PINLYP: variants seen among roughly 807,000 people sequenced by gnomAD.
The protein encoded by PINLYP is phospholipase A2 inhibitor and LY6/PLAUR domain containing.
PINLYP carries 12 observed loss-of-function variants against 15.8 expected under a neutral mutation model. The observed-to-expected ratio is 0.76, with a 90% CI of 0.49 to 1.23. The LOEUF is 1.23. Among genes scored for constraint, PINLYP ranks in the 50% most tolerant of loss-of-function variants. The pLI, the probability that PINLYP is intolerant of heterozygous loss-of-function variation, is 0.00. For missense variants in PINLYP, 278 were observed against 264.2 expected (o/e 1.05, Z -0.36); for synonymous variants, 93 against 97.7 (o/e 0.95, Z 0.28).
chr19:43,581,620 T>G (rs1483117648), exon 5 of PINLYP: 1 of 1,536,642 alleles, frequency 6.5e-7, no homozygotes, highest in Non-Finnish European at 8.7e-7. Context: ...ACTGCGAGCT[T>G]CAGGGACAAA....
intron 2 of PINLYP, 91 bp from the exon 3 acceptor site, chr19:43,578,499 C>G: frequency 1.1e-6 from 1 of 873,886 alleles, no homozygotes; most frequent in South Asian, 1.6e-5. Context: ...CTGGTCCCTC[C>G]TCTCTCAGGA....
chr19:43,576,993 C>T lies in PINLYP; in HGVS notation c.-78+74C>T, dbSNP rs925851638. On this transcript the variant is annotated intron_variant, in intron 1 of 5. Transcript: ENST00000599207. ...TGGAAGCCCAGACTCCTGGGGTCTCCATGGAGGTGGGGGGCTGGGCACAAG... is the reference window on the plus strand; with the variant it reads ...TGGAAGCCCAGACTCCTGGGGTCTCTATGGAGGTGGGGGGCTGGGCACAAG... 8.3e-6 allele frequency: 8 copies of T among 960,824 alleles called. No homozygotes were observed. In the East Asian group the frequency reaches 1.1e-4, roughly 13 times the overall value. The allele number at this position is 960,824 out of a possible 1,614,324, so 59.5% of individuals were successfully genotyped here. A position where few individuals can be genotyped will look rare whatever the true frequency, so the allele number is the denominator to read the frequency against.
chr19:43,581,305 A>G, exon 4 of PINLYP: 1 of 1,537,086 alleles, frequency 6.5e-7, no homozygotes, highest in Non-Finnish European at 8.7e-7. Flanking sequence ...CCCAAGGACC[A>G]CATGGTAACC....
upstream of PINLYP, chr19:43,575,544 C>A: frequency 6.2e-6 from 9 of 1,444,870 alleles, no homozygotes; most frequent in Non-Finnish European, 7.6e-6. Flanking sequence ...GGGCGGGGTG[C>A]GCCCTGCGCT....
At chr19:43,581,176 C>T in intron 3 of PINLYP, 36 bp from the exon 4 acceptor site, 1 of 1,527,622 alleles carries the variant, frequency 6.5e-7, no homozygotes. Context: ...AGGGAGTGGT[C>T]AGCCAGCACT....
exon 4 of PINLYP, chr19:43,581,349 A>G: frequency 1.3e-6 from 2 of 1,536,720 alleles, no homozygotes; most frequent in Non-Finnish European, 1.7e-6. Context: ...CGGCTGCAAC[A>G]GTGCCTTTTT....
At chr19:43,578,698 C>A in exon 3 of PINLYP, 1 of 1,535,530 alleles carries the variant, frequency 6.5e-7, no homozygotes. Context: ...GTCGGGAAGG[C>A]TACTTCAAGT....
rs1408652434 is a variant in PINLYP, at chr19:43,582,041, C to T, written c.*40C>T. ...AGAGGAAGATAATGTAGTGTGAAGTCCCCATTTGTCCTCAGCCTGTAACTC... is the reference window on the plus strand; with the variant it reads ...AGAGGAAGATAATGTAGTGTGAAGTTCCCATTTGTCCTCAGCCTGTAACTC... On this transcript the variant is annotated 3_prime_UTR_variant, in exon 6 of 6. Coordinates refer to ENST00000599207, the Ensembl canonical transcript of PINLYP. 2.6e-6 allele frequency: 4 copies of T among 1,533,082 alleles called. No homozygotes were observed. The African/African-American group carries it at 4.1e-5, about 16-fold the overall frequency. The allele number at this position is 1,533,082 out of a possible 1,614,324, so 95.0% of individuals were successfully genotyped here.
At chr19:43,581,591 C>T in exon 5 of PINLYP, 1 of 1,536,420 alleles carries the variant, frequency 6.5e-7, no homozygotes, top group East Asian at 2.4e-5. Flanking sequence ...CTGAGAATGG[C>T]CTGATGTGCC....
rs1322362747 is a variant in PINLYP at position 43,581,365 on chromosome 19, G to A, written c.340+1G>A. The A allele has an allele frequency of 6.5e-7, 1 of 1,536,644 alleles. No homozygotes were observed. The highest frequency in any genetic ancestry group is 2.0e-5 in the Admixed American group (1 of 50,996). On this transcript the variant is annotated splice_donor_variant, in intron 4 of 5. Transcript: ENST00000599207. LOFTEE classifies it high-confidence loss of function. ...GGCTGCAACAGTGCCTTTTTGTCTG[G>A]TAAGAAGCCCGTGGTGTGTGGTGTG...
intron 3 of PINLYP, chr19:43,580,511 G>A (rs944481647): frequency 3.4e-5 from 33 of 984,868 alleles, no homozygotes; most frequent in Non-Finnish European, 4.0e-5. Context: ...GTGGGCGGGG[G>A]TTGGCGGGGA....
chr19:43,576,191 C>T (rs932241563), exon 1 of PINLYP, among the ~76,000 whole-genome samples: 3 of 152,126 alleles, frequency 2.0e-5, no homozygotes, highest in Admixed American at 2.0e-4. Context: ...AGTGCTGGAA[C>T]TACAGGCGTG....
intron 2 of PINLYP, 130 bp from the exon 3 acceptor site, chr19:43,578,460 C>T: frequency 8.0e-6 from 5 of 626,142 alleles, no homozygotes; most frequent in Non-Finnish European, 1.4e-5. Context: ...CAGTGGTCAA[C>T]ATCCCGCCCA....
At chr19:43,576,973 GCCCAGA>G in intron 1 of PINLYP, 54 bp downstream of exon 1, 1 of 702,112 alleles carries the variant, frequency 1.4e-6, no homozygotes, top group Non-Finnish European at 2.2e-6. Flanking sequence ...GGGGATGGAA[GCCCAGA>G]CTCCTGGGGT....
intron 3 of PINLYP, chr19:43,580,501 G>A: frequency 1.0e-6 from 1 of 984,700 alleles, no homozygotes; most frequent in Non-Finnish European, 1.2e-6. Flanking sequence ...AGACTACGGG[G>A]TGGGCGGGGG....
chr19:43,580,418 A>C, intron 3 of PINLYP: 1 of 538,476 alleles, frequency 1.9e-6, no homozygotes, highest in Non-Finnish European at 2.4e-6. Flanking sequence ...CCTCGTTGGG[A>C]GGTCTGAGGA....
rs192978456 is a variant in PINLYP, at chr19:43,576,853, G to A, written c.-144G>A. 1,226 of 290,426 alleles carry A rather than the reference G, an allele frequency of 4.2e-3. 6 individuals are homozygous for A. Among genetic ancestry groups the A allele is most frequent in the Middle Eastern group, 6.3e-3 (6 of 954 alleles). The allele number at this position is 290,426 out of a possible 1,614,324, so 18.0% of individuals were successfully genotyped here. On this transcript the variant is annotated 5_prime_UTR_variant, in exon 1 of 6. Transcript: ENST00000599207. ...GAATCCCAGTTCTTGCAGCCACTGG[G>A]AATCAAGAGGCCCAACTCCGTCTTG...
Position 43,578,583 on chromosome 19 carries a change from A to G in PINLYP, c.71-7A>G, listed in dbSNP as rs775873335. 9.1e-6 allele frequency: 14 copies of G among 1,532,648 alleles called. No homozygotes were observed. The highest frequency in any genetic ancestry group is 1.4e-5 in the African/African-American group (1 of 72,972). The allele number at this position is 1,532,648 out of a possible 1,614,324, so 94.9% of individuals were successfully genotyped here. A position where few individuals can be genotyped will look rare whatever the true frequency, so the allele number is the denominator to read the frequency against. On this transcript the variant is annotated splice_polypyrimidine_tract_variant and splice_region_variant and intron_variant, in intron 2 of 5. Transcript: ENST00000599207. ...GACTACAGCCTCGCCCTCTGTCTACACTGCAGGGTGCCCACTACACTGCGA... is the reference window on the plus strand; with the variant it reads ...GACTACAGCCTCGCCCTCTGTCTACGCTGCAGGGTGCCCACTACACTGCGA...
chr19:43,581,224 T>C (rs1972927506), exon 4 of PINLYP: 1 of 1,536,920 alleles, frequency 6.5e-7, no homozygotes. Flanking sequence ...GGCAAGGAGT[T>C]GGTGCACACC....
Sources: allele counts gnomAD v4.1 joint callset (sites outside exome capture counted in the v4.1 genomes callset), GRCh38; gene constraint gnomAD v4.1.1; transcripts MANE v1.5; gene names NCBI Gene and HGNC (gene_info 2026-07-23, HGNC 2026-07-21).